The following PPP1R17 variants were observed in gnomAD, a reference collection of about 807,000 sequenced individuals.
PPP1R17 encodes protein phosphatase 1 regulatory subunit 17.
In PPP1R17, 12 loss-of-function variants were observed where a neutral mutation model predicts 15.9. That is an observed-to-expected ratio of 0.75 (90% CI 0.48 to 1.22). The LOEUF is 1.22. PPP1R17 is among the 50% of genes most tolerant of loss of function. PPP1R17 has a pLI of 0.00. For missense variants in PPP1R17, 211 were observed against 187.3 expected (o/e 1.13, Z -0.74); for synonymous variants, 63 against 64.5 (o/e 0.98, Z 0.11).
intron 1 of PPP1R17, among the ~76,000 whole-genome samples, chr7:31,690,169 A>G (rs1792279849): frequency 6.6e-6 from 1 of 152,242 alleles, no homozygotes; most frequent in Admixed American, 6.5e-5. Flanking sequence ...TAAGCATCTG[A>G]AAGAAAAGTT....
At chr7:31,700,287 G>A (rs752014498) in intron 4 of PPP1R17, among the ~76,000 whole-genome samples, 2 of 152,106 alleles carry the variant, frequency 1.3e-5, no homozygotes, top group African/African-American at 4.8e-5. Context: ...TTGTTGATAC[G>A]GGGAAAGTTT....
chr7:31,699,564 G>A (rs1792753086), intron 4 of PPP1R17, among the ~76,000 whole-genome samples: 1 of 152,028 alleles, frequency 6.6e-6, no homozygotes, highest in African/African-American at 2.4e-5. Flanking sequence ...CCATACTAGA[G>A]GTTTGCAGTG....
At chr7:31,696,294 T>A (rs1474335415) in intron 3 of PPP1R17, among the ~76,000 whole-genome samples, 1 of 152,310 alleles carries the variant, frequency 6.6e-6, no homozygotes, top group South Asian at 2.1e-4. Flanking sequence ...GCAAAACAAA[T>A]GAAACATAGA....
intron 4 of PPP1R17, among the ~76,000 whole-genome samples, chr7:31,706,882 T>A (rs1482211731): frequency 1.3e-5 from 2 of 152,174 alleles, no homozygotes; most frequent in African/African-American, 2.4e-5. Flanking sequence ...GTGGCAGAAC[T>A]GTGAGTGCAA....
At chr7:31,705,492 T>C (rs573174706) in intron 4 of PPP1R17, among the ~76,000 whole-genome samples, 147 of 152,324 alleles carry the variant, frequency 9.7e-4, no homozygotes, top group African/African-American at 3.4e-3. Flanking sequence ...CATAAGTGAT[T>C]TATGCAAAAG....
intron 2 of PPP1R17, among the ~76,000 whole-genome samples, chr7:31,693,907 C>A (rs891189487): frequency 9.2e-5 from 14 of 152,146 alleles, no homozygotes; most frequent in African/African-American, 3.1e-4. Flanking sequence ...TTATTCATAT[C>A]TGTAGATCTA....
intron 2 of PPP1R17, among the ~76,000 whole-genome samples, chr7:31,694,387 A>AACACACACAAAC (rs1554307561): frequency 3.2e-4 from 46 of 141,678 alleles, no homozygotes; most frequent in Admixed American, 9.9e-4. Context: ...CTCTCTCTCA[A>AACACACACAAAC]ACACACACAC....
chr7:31,705,779 G>A (rs1257618796), intron 4 of PPP1R17, among the ~76,000 whole-genome samples: 1 of 151,958 alleles, frequency 6.6e-6, no homozygotes, highest in Non-Finnish European at 1.5e-5. Context: ...GCAGTGCGAG[G>A]CAGTGGTGGG....
chr7:31,697,491 A>C (rs371836001), intron 4 of PPP1R17, among the ~76,000 whole-genome samples: 1 of 152,324 alleles, frequency 6.6e-6, no homozygotes, highest in Non-Finnish European at 1.5e-5. Context: ...CTAATTGGCC[A>C]AATCCTCAAA....
chr7:31,691,656 T>C (rs972675378), intron 1 of PPP1R17, among the ~76,000 whole-genome samples: 7 of 151,920 alleles, frequency 4.6e-5, no homozygotes, highest in African/African-American at 1.7e-4. Context: ...GACAGATTTG[T>C]TCTCATGTCT....
intron 2 of PPP1R17, among the ~76,000 whole-genome samples, chr7:31,694,384 T>TCAAACACACACACACA (rs1554307535): frequency 1.1e-3 from 112 of 98,432 alleles, no homozygotes; most frequent in African/African-American, 4.6e-3. Context: ...TCTCTCTCTC[T>TCAAACACACACACACA]CAAACACACA....
intron 1 of PPP1R17, among the ~76,000 whole-genome samples, chr7:31,690,049 G>C (rs1562692684): frequency 6.6e-6 from 1 of 152,154 alleles, no homozygotes; most frequent in Non-Finnish European, 1.5e-5. Flanking sequence ...TTGTCCAGGG[G>C]CCTCTGACAT....
At chr7:31,699,642 T>G (rs574259335) in intron 4 of PPP1R17, among the ~76,000 whole-genome samples, 34 of 148,128 alleles carry the variant, frequency 2.3e-4, no homozygotes, top group Middle Eastern at 3.5e-3. Flanking sequence ...ATATTGGTGG[T>G]TTTTTTTTTA....
chr7:31,688,225 AT>A (rs1792188350), intron 1 of PPP1R17, among the ~76,000 whole-genome samples: 1 of 152,190 alleles, frequency 6.6e-6, no homozygotes, highest in South Asian at 2.1e-4. Flanking sequence ...ATCTTCCCCC[AT>A]TTAACAGATT....
chr7:31,699,032 A>G (rs1792732798), intron 4 of PPP1R17, among the ~76,000 whole-genome samples: 1 of 152,188 alleles, frequency 6.6e-6, no homozygotes. Flanking sequence ...CCCCAAAGAA[A>G]AAGTCCTTGC....
chr7:31,695,682 G>A, intron 3 of PPP1R17, 61 bp downstream of exon 3: 1 of 1,509,830 alleles, frequency 6.6e-7, no homozygotes, highest in Non-Finnish European at 8.9e-7. Flanking sequence ...AGGTTGCATT[G>A]TTCGTACACA....
In PPP1R17 at chr7:31,708,069, G is replaced by C. The variant is rs1222333540; in HGVS notation, c.*786G>C. ...TATCAATGTTTGTGATGAATTTACT[G>C]TAAAAAAATTAAGGTCAATGAAAGC... On this transcript the variant is annotated 3_prime_UTR_variant, in exon 5 of 5. Coordinates refer to ENST00000342032, the MANE Select transcript of PPP1R17 (RefSeq NM_006658.5). 2 of 152,184 alleles carry C rather than the reference G, an allele frequency of 1.3e-5. No homozygotes were observed. Among genetic ancestry groups the C allele is most frequent in the African/African-American group, 4.8e-5 (2 of 41,448 alleles). The allele number at this position is 152,184 out of a possible 1,614,324, so 9.4% of individuals were successfully genotyped here.
At chr7:31,701,375 A>G (rs1792841876) in intron 4 of PPP1R17, among the ~76,000 whole-genome samples, 1 of 152,204 alleles carries the variant, frequency 6.6e-6, no homozygotes, top group African/African-American at 2.4e-5. Context: ...ATATGACTGA[A>G]TTGCTGCAAT....
At position 31,695,555 on chromosome 7, in the gene PPP1R17, G is replaced by T; in HGVS notation, c.169G>T (p.Glu57Ter). 1 of 1,613,876 alleles carries T rather than the reference G, an allele frequency of 6.2e-7. No homozygotes were observed. The highest frequency in any genetic ancestry group is 8.5e-7 in the Non-Finnish European group (1 of 1,179,952). The stretch of plus-strand genomic sequence containing the variant: ...AAATGTACAGGCCACCCTGAATGTT[G>T]AGTCAGACCAAAAAAAACCAAGGAG... ...GKNVQATLNV[E>*]SDQKKPRRKD... is the part of the protein sequence containing the mutation. The change falls in exon 3 of 5, where the codon GAG becomes TAG. Residue 57 changes from glutamate to a stop codon, truncating the protein, a stop_gained. Transcript: ENST00000342032. LOFTEE classifies it high-confidence loss of function.
Sources: allele counts gnomAD v4.1 joint callset (sites outside exome capture counted in the v4.1 genomes callset), GRCh38; gene constraint gnomAD v4.1.1; transcripts MANE v1.5; gene names NCBI Gene and HGNC (gene_info 2026-07-23, HGNC 2026-07-21).